The following ZCCHC8 variants were observed in gnomAD, a reference collection of about 807,000 sequenced individuals.
ZCCHC8 encodes zinc finger CCHC-type containing 8.
Under a neutral mutation model 70.6 loss-of-function variants are expected in ZCCHC8, and 27 were observed. The observed-to-expected ratio is 0.38, with a 90% CI of 0.28 to 0.53. The LOEUF is 0.53. Among genes scored for constraint, ZCCHC8 ranks in the 20% least tolerant of loss-of-function variants. The pLI is 0.81. For missense variants in ZCCHC8, 737 were observed against 876.9 expected (o/e 0.84, Z 2.01); for synonymous variants, 293 against 317.4 (o/e 0.92, Z 0.82).
intron 5 of ZCCHC8, among the ~76,000 whole-genome samples, chr12:122,487,910 T>C (rs1957671942): frequency 6.6e-6 from 1 of 152,160 alleles, no homozygotes; most frequent in Non-Finnish European, 1.5e-5. Flanking sequence ...AGGGTCTTGC[T>C]CTGTCACCTA....
chr12:122,475,689 C>T (rs1957406041), intron 13 of ZCCHC8, among the ~76,000 whole-genome samples: 1 of 152,184 alleles, frequency 6.6e-6, no homozygotes, highest in Non-Finnish European at 1.5e-5. Flanking sequence ...ATTCATCTTC[C>T]TTGTGTCTGT....
chr12:122,496,211 T>C (rs1162634899), intron 2 of ZCCHC8, among the ~76,000 whole-genome samples: 1 of 152,098 alleles, frequency 6.6e-6, no homozygotes, highest in East Asian at 1.9e-4. Flanking sequence ...CTTCTGATTA[T>C]AACAGTTTCA....
At chr12:122,477,394 C>T (rs1447784521) in intron 13 of ZCCHC8, among the ~76,000 whole-genome samples, 5 of 150,820 alleles carry the variant, frequency 3.3e-5, no homozygotes, top group Non-Finnish European at 7.4e-5. Context: ...TACCTTGTGA[C>T]CCGCCTGCCT....
In ZCCHC8 at chr12:122,500,793, G is replaced by T; in HGVS notation, c.48C>A (p.Phe16Leu). 1 of 1,583,726 alleles carries T rather than the reference G, an allele frequency of 6.3e-7. No individual in the cohort carries two copies. ...TCGGAATCGACTCCTCTGGGTGGTC[G>T]AACGGCTCGAAGAGCTCTAGATCGC... ...YFGDLELFEP[F>L]DHPEESIPKP... The change falls in exon 1 of 14, where the codon TTC becomes TTA. Residue 16 changes from phenylalanine (F) to leucine (L), a missense_variant. Physicochemically the swap from Phe to Leu is conservative, Grantham distance 22. Transcript: ENST00000633063. This position sits in a 1 kb window ranked among gnomAD's most constrained non-coding sequence, Gnocchi z 4.8.
chr12:122,493,154 C>A (rs773625011), intron 2 of ZCCHC8, among the ~76,000 whole-genome samples: 3 of 152,178 alleles, frequency 2.0e-5, no homozygotes, highest in Non-Finnish European at 4.4e-5. Context: ...AGCTGTGAAC[C>A]ATCTCACCAG....
chr12:122,481,880 GAC>G, intron 9 of ZCCHC8, 63 bp downstream of exon 9: 1 of 1,553,486 alleles, frequency 6.4e-7, no homozygotes, highest in Non-Finnish European at 8.7e-7. Flanking sequence ...AGCCCAAAGA[GAC>G]ACAGAACATT....
intron 2 of ZCCHC8, among the ~76,000 whole-genome samples, chr12:122,495,296 C>T (rs905330112): frequency 1.3e-5 from 2 of 152,088 alleles, no homozygotes; most frequent in African/African-American, 4.8e-5. Context: ...TGGAGACCAG[C>T]TTGGCCAACA....
At chr12:122,479,136 C>T (rs1298776583) in intron 11 of ZCCHC8, among the ~76,000 whole-genome samples, 1 of 152,226 alleles carries the variant, frequency 6.6e-6, no homozygotes. Context: ...AGTGCAATGG[C>T]ACGATCTCGG....
In ZCCHC8 at chr12:122,500,894, G is replaced by T; in HGVS notation, c.-54C>A. On this transcript the variant is annotated 5_prime_UTR_variant, in exon 1 of 14. Transcript: ENST00000633063. This position sits in a 1 kb window ranked among gnomAD's most constrained non-coding sequence, Gnocchi z 4.8. ...GGCGGAGCCGGCCACCAGGGCTTGG[G>T]GAAGAAGGTTGGAAGGCGGCACCAC... 6.5e-7 allele frequency: 1 copy of T among 1,535,548 alleles called. No homozygotes were observed. The highest frequency in any genetic ancestry group is 1.4e-5 in the African/African-American group (1 of 72,782).
intron 2 of ZCCHC8, among the ~76,000 whole-genome samples, chr12:122,497,277 ATGCC>A (rs1448051578): frequency 6.6e-6 from 1 of 152,146 alleles, no homozygotes; most frequent in Non-Finnish European, 1.5e-5. Flanking sequence ...GCAGTGGCTC[ATGCC>A]TGTTAATTCC....
intron 5 of ZCCHC8, among the ~76,000 whole-genome samples, chr12:122,485,520 A>G (rs1957616329): frequency 6.6e-6 from 1 of 152,090 alleles, no homozygotes; most frequent in Non-Finnish European, 1.5e-5. Flanking sequence ...CCTAACCTCC[A>G]ATTTTATATA....
chr12:122,481,414 A>T, intron 10 of ZCCHC8, 108 bp downstream of exon 10: 1 of 1,339,732 alleles, frequency 7.5e-7, no homozygotes, highest in East Asian at 2.4e-5. Context: ...TTTTTTAGTT[A>T]GCACACATTA....
In ZCCHC8 at chr12:122,473,688, G is replaced by A. The variant is rs1957357558; in HGVS notation, c.1933C>T (p.Pro645Ser). The change falls in exon 14 of 14, where the codon CCT (proline) becomes TCT (serine). Residue 645 changes from proline to serine, a missense_variant. Coordinates refer to ENST00000633063, the MANE Select transcript of ZCCHC8 (RefSeq NM_017612.5). ...ISNGGSQKLF[P>S]ADTSPSTATK... The stretch of plus-strand genomic sequence containing the variant: ...GCCGTTGAAGGACTGGTGTCTGCAG[G>A]AAAGAGCTTCTGGCTGCCCCCATTG... The A allele has an allele frequency of 6.2e-7, 1 of 1,614,010 alleles. No individual in the cohort carries two copies. Among genetic ancestry groups the A allele is most frequent in the Non-Finnish European group, 8.5e-7 (1 of 1,179,900 alleles).
At position 122,498,820 on chromosome 12, in the gene ZCCHC8, C is replaced by G. The variant is rs754895878; in HGVS notation, c.242+7G>C. 2 of 1,612,954 alleles carry G rather than the reference C, an allele frequency of 1.2e-6. No individual in the cohort carries two copies. Among genetic ancestry groups the G allele is most frequent in the South Asian group, 2.2e-5 (2 of 91,030 alleles). ...ACAACTATGGAGTAATTTCAAAAAT[C>G]TCATACCTCGGTCGAGTCAGAATGT... On this transcript the variant is annotated splice_region_variant and intron_variant, in intron 2 of 13. Transcript: ENST00000633063.
At chr12:122,499,290 A>T (rs1957878011) in intron 1 of ZCCHC8, 1 of 183,566 alleles carries the variant, frequency 5.4e-6, no homozygotes, top group African/African-American at 2.5e-5. Context: ...TTTTTTTGAG[A>T]CACAGTCTCA....
chr12:122,482,020 T>C lies in ZCCHC8; in HGVS notation c.800A>G (p.Asn267Ser), dbSNP rs1957544327. Residue 267 changes from asparagine (N) to serine (S), a missense_variant, in exon 9 of 14, where the codon AAT (asparagine) becomes AGT (serine). Transcript: ENST00000633063. ...GTGGTATCGCTGCTGGAAATTCTGA[T>C]TGTTTGCTTCTCCACAGGCATCCAT... Reference protein sequence around the residue: ...EYMDACGEANNQNFQQRYHAE... With the variant: ...EYMDACGEANSQNFQQRYHAE... The C allele has an allele frequency of 6.2e-7, 1 of 1,613,414 alleles. No homozygotes were observed. The highest frequency in any genetic ancestry group is 8.5e-7 in the Non-Finnish European group (1 of 1,179,754).
intron 13 of ZCCHC8, 23 bp downstream of exon 13, chr12:122,477,818 C>G (rs377594286): frequency 4.0e-6 from 5 of 1,250,900 alleles, no homozygotes; most frequent in Middle Eastern, 1.9e-4. Context: ...AGAGAGAAAT[C>G]AGAGCCATAG....
Position 122,473,298 on chromosome 12 carries a change from GTT to G in ZCCHC8, c.*197_*198del, listed in dbSNP as rs1957347877. ...AGGTCATATTCACATCTCCCCCCAAGTTTTGTCAGTGAGAATAAAATATACTG... is the reference window on the plus strand; with the variant it reads ...AGGTCATATTCACATCTCCCCCCAAGTTGTCAGTGAGAATAAAATATACTG... On this transcript the variant is annotated 3_prime_UTR_variant, in exon 14 of 14. Transcript: ENST00000633063. The G allele has an allele frequency of 1.6e-6, 1 of 613,020 alleles. No homozygotes were observed. Among genetic ancestry groups the G allele is most frequent in the African/African-American group, 1.8e-5 (1 of 54,352 alleles). The allele number at this position is 613,020 out of a possible 1,614,324, so 38.0% of individuals were successfully genotyped here.
At chr12:122,498,043 TATC>T (rs1172767107) in intron 2 of ZCCHC8, among the ~76,000 whole-genome samples, 2 of 150,464 alleles carry the variant, frequency 1.3e-5, no homozygotes, top group Non-Finnish European at 3.0e-5. Context: ...CTACACACTT[TATC>T]TTTTTCAAAA....
Sources: allele counts gnomAD v4.1 joint callset (sites outside exome capture counted in the v4.1 genomes callset), GRCh38; gene constraint gnomAD v4.1.1; non-coding constraint Gnocchi (gnomAD v3.1); transcripts MANE v1.5; gene names NCBI Gene and HGNC (gene_info 2026-07-23, HGNC 2026-07-21).